Variants in ZNRF2 observed in about 807,000 individuals in gnomAD.
The protein encoded by ZNRF2 is zinc and ring finger 2.
Under a neutral mutation model 20.4 loss-of-function variants are expected in ZNRF2, and 16 were observed. The ratio of observed to expected loss-of-function variants is 0.79; its 90% CI spans 0.53 to 1.19. The LOEUF (loss-of-function observed/expected upper bound fraction) is 1.19. ZNRF2 is among the 50% of genes most tolerant of loss of function. ZNRF2 has a pLI of 0.00. For missense variants in ZNRF2, 363 were observed against 332.4 expected, an observed-to-expected ratio of 1.09 and a Z score of -0.72; for synonymous variants, 178 against 144.9, an observed-to-expected ratio of 1.23 and a Z score of -1.64.
intron 1 of ZNRF2, among the ~76,000 whole-genome samples, chr7:30,307,708 G>T (rs1799232129): frequency 6.6e-6 from 1 of 151,830 alleles, no homozygotes. Flanking sequence ...TTAACCTGTT[G>T]CCTCAAGACT....
intron 1 of ZNRF2, among the ~76,000 whole-genome samples, chr7:30,293,612 A>T (rs2128055615): frequency 6.6e-6 from 1 of 152,198 alleles, no homozygotes; most frequent in East Asian, 1.9e-4. Flanking sequence ...AAGGCATTGG[A>T]TCTTTATTGC....
At position 30,355,711 on chromosome 7, in the gene ZNRF2, A is replaced by G. The variant is rs1261674108; in HGVS notation, c.566-17A>G. The G allele has an allele frequency of 1.3e-6, 2 of 1,589,280 alleles. No homozygotes were observed. Among genetic ancestry groups the G allele is most frequent in the Non-Finnish European group, 1.7e-6 (2 of 1,160,528 alleles). ...TGGATAATTTTATTGTCCTGAATTC[A>G]TTTTCTCTTTCTTCAGAGGATGTAC... On this transcript the variant is annotated splice_polypyrimidine_tract_variant and intron_variant, in intron 2 of 4. Transcript: ENST00000323037.
chr7:30,344,261 CTG>C (rs1799843647), intron 2 of ZNRF2, among the ~76,000 whole-genome samples: 3 of 150,552 alleles, frequency 2.0e-5, no homozygotes, highest in South Asian at 4.2e-4. Flanking sequence ...TTAGAAATAA[CTG>C]TGTTGTTTCT....
intron 2 of ZNRF2, among the ~76,000 whole-genome samples, chr7:30,333,885 C>G (rs919794929): frequency 1.3e-5 from 2 of 152,252 alleles, no homozygotes; most frequent in Non-Finnish European, 2.9e-5. Flanking sequence ...CTTATAGATT[C>G]AGGATATTAG....
intron 1 of ZNRF2, among the ~76,000 whole-genome samples, chr7:30,302,541 G>GT (rs113688354): frequency 0.042 from 5,940 of 140,200 alleles, 255 homozygotes; most frequent in African/African-American, 0.12. Flanking sequence ...AAAGTACTAT[G>GT]TTTTTTTTTT....
At chr7:30,333,879 T>C (rs747094138) in intron 2 of ZNRF2, among the ~76,000 whole-genome samples, 2 of 152,222 alleles carry the variant, frequency 1.3e-5, no homozygotes, top group African/African-American at 4.8e-5. Flanking sequence ...AAGTTCCTTA[T>C]AGATTCAGGA....
intron 1 of ZNRF2, among the ~76,000 whole-genome samples, chr7:30,299,688 G>GA (rs1799077105): frequency 6.6e-6 from 1 of 151,084 alleles, no homozygotes; most frequent in South Asian, 2.1e-4. Context: ...TAAGTACATA[G>GA]AAAAAAGTAG....
chr7:30,328,629 CTCTT>C (rs1251552637), intron 2 of ZNRF2, among the ~76,000 whole-genome samples: 1 of 152,184 alleles, frequency 6.6e-6, no homozygotes, highest in African/African-American at 2.4e-5. Flanking sequence ...GAGTTTCAGA[CTCTT>C]TGTCACAGAG....
chr7:30,323,653 C>A lies in ZNRF2; in HGVS notation c.481C>A (p.Pro161Thr). ...SPHMFGGFKC[P>T]VCSKFVSSDE... ...CTTTTGTTTTTTAGGATTTAAGTGC[C>A]CTGTATGCTCAAAATTTGTATCCTC... Residue 161 changes from proline (P) to threonine (T), a missense_variant, in exon 2 of 5, where the codon CCT becomes ACT. Physicochemically the swap from Pro to Thr is conservative, Grantham distance 38 (BLOSUM62 -1). Coordinates refer to ENST00000323037, the MANE Select transcript of ZNRF2 (RefSeq NM_147128.4). 6.3e-7 allele frequency: 1 copy of A among 1,596,054 alleles called. No individual in the cohort carries two copies. The highest frequency in any genetic ancestry group is 8.5e-7 in the Non-Finnish European group (1 of 1,172,958).
chr7:30,310,470 T>G (rs961382593), intron 1 of ZNRF2, among the ~76,000 whole-genome samples: 11 of 152,332 alleles, frequency 7.2e-5, no homozygotes, highest in African/African-American at 2.6e-4. Context: ...CTCTGTTCCC[T>G]CTTTTTGTAG....
chr7:30,330,769 T>TA (rs796187971), intron 2 of ZNRF2, among the ~76,000 whole-genome samples: 2,829 of 145,006 alleles, frequency 0.02, 111 homozygotes, highest in African/African-American at 0.067. Flanking sequence ...TAACTGAAGT[T>TA]AAAAAAAAAA....
At chr7:30,310,853 C>CCCTGT (rs70980596) in intron 1 of ZNRF2, among the ~76,000 whole-genome samples, 23,134 of 151,290 alleles carry the variant, frequency 0.15, 1,829 homozygotes, top group African/African-American at 0.17. Context: ...ACATCTGAGC[C>CCCTGT]CCTGTCCTGT....
chr7:30,338,894 A>G (rs1187368035), intron 2 of ZNRF2, among the ~76,000 whole-genome samples: 1 of 152,232 alleles, frequency 6.6e-6, no homozygotes, highest in African/African-American at 2.4e-5. Context: ...TCCCACCAAC[A>G]GTGCAAAAGT....
intron 1 of ZNRF2, among the ~76,000 whole-genome samples, chr7:30,295,175 T>A (rs1399919178): frequency 6.8e-6 from 1 of 147,980 alleles, no homozygotes; most frequent in African/African-American, 2.5e-5. Flanking sequence ...TCTCTGTACT[T>A]CCAACTACAT....
At chr7:30,326,430 C>G (rs1368416216) in intron 2 of ZNRF2, among the ~76,000 whole-genome samples, 1 of 152,118 alleles carries the variant, frequency 6.6e-6, no homozygotes, top group Non-Finnish European at 1.5e-5. Flanking sequence ...GGATAATGGC[C>G]TCCAGCTCCA....
chr7:30,329,158 T>C (rs1044378945), intron 2 of ZNRF2, among the ~76,000 whole-genome samples: 12 of 152,200 alleles, frequency 7.9e-5, no homozygotes, highest in African/African-American at 2.9e-4. Context: ...AAAAATTTTA[T>C]TATGTGTACA....
At chr7:30,289,122 A>G (rs1328928607) in intron 1 of ZNRF2, 1 of 152,208 alleles carries the variant, frequency 6.6e-6, no homozygotes, top group Non-Finnish European at 1.5e-5. Flanking sequence ...TAAGACAACC[A>G]GTGGTGCTGG....
Position 30,355,732 on chromosome 7 carries a change from T to C in ZNRF2, c.570T>C (p.Asp190=). 1.9e-6 allele frequency: 3 copies of C among 1,611,304 alleles called. No individual in the cohort carries two copies. The highest frequency in any genetic ancestry group is 2.5e-6 in the Non-Finnish European group (3 of 1,177,924). ...LTKPRITYNE[D]VLSKDAGECA... is the part of the protein sequence containing the mutation. ...ATTCATTTTCTCTTTCTTCAGAGGA[T>C]GTACTGAGTAAAGATGCTGGGGAAT... Residue 190 remains aspartate, a synonymous_variant, in exon 3 of 5, where the codon GAT becomes GAC. Transcript: ENST00000323037.
chr7:30,293,831 T>C (rs1798959150), intron 1 of ZNRF2, among the ~76,000 whole-genome samples: 1 of 152,226 alleles, frequency 6.6e-6, no homozygotes, highest in African/African-American at 2.4e-5. Flanking sequence ...GTCAGAAAAT[T>C]ATAGATGTAT....
Sources: gnomAD v4.1 joint callset for allele counts (sites outside exome capture counted in the v4.1 genomes callset) on GRCh38, gnomAD v4.1.1 for gene constraint, MANE v1.5 for transcripts, NCBI Gene and HGNC (gene_info 2026-07-23, HGNC 2026-07-21) for gene names.